Variants in FN1 observed in about 807,000 individuals in gnomAD.
FN1 encodes the protein fibronectin.
In FN1, 106 loss-of-function variants were observed where a neutral mutation model predicts 297.3. The observed-to-expected ratio is 0.36, with a 90% confidence interval of 0.30 to 0.42. FN1 has a LOEUF of 0.42. FN1 is among the 10% of genes least tolerant of loss of function. The probability of loss-of-function intolerance (pLI) is 1.00; values close to 1 mark genes in which losing one functional copy is unlikely to be tolerated. For synonymous variants in FN1, 1,149 were observed against 1,152.6 expected (o/e 1.00, Z 0.06); for missense variants, 2,690 against 3,124.9 (o/e 0.86, Z 3.32).
intron 21 of FN1, among the ~76,000 whole-genome samples, chr2:215,399,051 C>T (rs1272566405): frequency 1.3e-5 from 2 of 152,182 alleles, no homozygotes; most frequent in African/African-American, 4.8e-5. Context: ...AAAACACTTT[C>T]GCAGCCTCCA....
Position 215,435,867 on chromosome 2 carries a change from C to T in FN1, c.-65G>A. 3 of 1,491,824 alleles carry T rather than the reference C, an allele frequency of 2.0e-6. No individual in the cohort carries two copies. The highest frequency in any genetic ancestry group is 2.7e-6 in the Non-Finnish European group (3 of 1,122,820). The allele number at this position is 1,491,824 out of a possible 1,614,324, so 92.4% of individuals were successfully genotyped here. On this transcript the variant is annotated 5_prime_UTR_variant, in exon 1 of 46. Coordinates refer to ENST00000354785, the MANE Select transcript of FN1 (RefSeq NM_212482.4). ...AGTTGCCACCAAGTTTGCTTCCCTT[C>T]GCAACCTGCGGGAAAAATCCCTTCT... is the stretch of plus-strand genomic sequence containing the variant.
chr2:215,365,891 C>T (rs963801966), intron 42 of FN1: 1 of 189,380 alleles, frequency 5.3e-6, no homozygotes, highest in Non-Finnish European at 1.1e-5. Context: ...CTGTAACCTC[C>T]ATCTCCTGGG....
At chr2:215,435,032 T>TA (rs2067217440) in intron 1 of FN1, among the ~76,000 whole-genome samples, 1 of 152,214 alleles carries the variant, frequency 6.6e-6, no homozygotes, top group Non-Finnish European at 1.5e-5. Context: ...GTCACATTTT[T>TA]AAAACATGCA....
chr2:215,429,411 G>C (rs1050109684), intron 5 of FN1, among the ~76,000 whole-genome samples: 2 of 152,134 alleles, frequency 1.3e-5, no homozygotes, highest in Non-Finnish European at 2.9e-5. Context: ...TCTGTGCCAC[G>C]ATGTGAGTAT....
At position 215,367,118 on chromosome 2, in the gene FN1, C is replaced by T. The variant is rs184900578; in HGVS notation, c.7018+745G>A. 1.5e-3 allele frequency among the ~76,000 whole-genome samples: 227 copies of T among 152,226 alleles called. 1 individual carries two copies. Among genetic ancestry groups the T allele is most frequent in the African/African-American group, 5.3e-3 (220 of 41,546 alleles). ...ATAGGAGGCTTATTTATAGGCATAA[C>T]GGTCAACACCTATAAAAATGAACCA... is the stretch of plus-strand genomic sequence containing the variant. On this transcript the variant is annotated intron_variant, in intron 42 of 45. Coordinates refer to ENST00000354785, the MANE Select transcript of FN1 (RefSeq NM_212482.4).
chr2:215,376,731 T>C (rs1223241655), intron 35 of FN1, 57 bp from the exon 36 acceptor site: 8 of 1,548,204 alleles, frequency 5.2e-6, no homozygotes, highest in Non-Finnish European at 7.1e-6. Context: ...TGTAAAGTTT[T>C]GGTATTTTAA....
Position 215,379,260 on chromosome 2 carries a change from G to A in FN1, c.5492C>T (p.Ala1831Val). The A allele has an allele frequency of 6.2e-7, 1 of 1,614,102 alleles. No individual in the cohort carries two copies. Among genetic ancestry groups the A allele is most frequent in the South Asian group, 1.1e-5 (1 of 91,084 alleles). Residue 1831 changes from alanine to valine, a missense_variant, in exon 34 of 46, where the codon GCC becomes GTC. Around this residue, in one of 3 missense-constraint regions of FN1, gnomAD observed 1,743 missense variants for 1,945.2 expected, o/e 0.90. Coordinates refer to ENST00000354785, the MANE Select transcript of FN1 (RefSeq NM_212482.4). ...CTGAACATTGGGTGGTGTCCACTGG[G>A]CGCTCAGGCTTGTGGGTGTGACCTG... ...FTQVTPTSLS[A>V]QWTPPNVQLT...
Position 215,386,602 on chromosome 2 carries a change from G to T in FN1, c.4612+87C>A, listed in dbSNP as rs16853944. On this transcript the variant is annotated intron_variant, in intron 28 of 45. Transcript: ENST00000354785. Reference sequence around the variant, plus strand: ...TTTTTTTTTTTTTTTTTTGAGAGCTGATGACAGACAACAGCAAGCTACTTT... The same window carrying T: ...TTTTTTTTTTTTTTTTTTGAGAGCTTATGACAGACAACAGCAAGCTACTTT... The T allele has an allele frequency of 4.6e-3, 2,132 of 465,514 alleles. 33 individuals carry two copies. The African/African-American group carries it at 0.046, about 10-fold the overall frequency. The allele number at this position is 465,514 out of a possible 1,614,324, so 28.8% of individuals were successfully genotyped here.
Position 215,365,810 on chromosome 2 carries a change from T to A in FN1, c.7019-180A>T, listed in dbSNP as rs2372540. 64,936 of 209,788 alleles carry A rather than the reference T, an allele frequency of 0.31. 9,024 individuals are homozygous for A. Among genetic ancestry groups the A allele is most frequent in the East Asian group, 0.68 (7,019 of 10,380 alleles). 13.0% of individuals were successfully genotyped at this position (209,788 alleles called of 1,614,324 possible). On this transcript the variant is annotated intron_variant, in intron 42 of 45. Coordinates refer to ENST00000354785, the MANE Select transcript of FN1 (RefSeq NM_212482.4). ...TTATTTATTTATTTACTTTTTATTT[T>A]TTTTTTTTTTTTTGAGACAAAGTCT... is the stretch of plus-strand genomic sequence containing the variant.
In FN1 at chr2:215,406,504, A is replaced by G; in HGVS notation, c.2720T>C (p.Val907Ala). 6.2e-7 allele frequency: 1 copy of G among 1,613,854 alleles called. No homozygotes were observed. Among genetic ancestry groups the G allele is most frequent in the Non-Finnish European group, 8.5e-7 (1 of 1,179,970 alleles). ...ETTGTPRSDT[V>A]PSPRDLQFVE... The stretch of plus-strand genomic sequence containing the variant: ...AAACTGCAGGTCCCTGGGAGAGGGC[A>G]CTGTATCTGACAGACAAGAGTCAAC... The change falls in exon 19 of 46, where the codon GTG (valine) becomes GCG (alanine). Residue 907 changes from valine (V) to alanine (A), a missense_variant. Transcript: ENST00000354785.
intron 23 of FN1, 101 bp from the exon 24 acceptor site, chr2:215,394,820 C>T (rs2060118397): frequency 1.1e-6 from 1 of 902,638 alleles, no homozygotes; most frequent in African/African-American, 1.6e-5. Flanking sequence ...GAATGCAGGA[C>T]TTGGCATTTA....
chr2:215,365,451 T>A, intron 43 of FN1, 54 bp downstream of exon 43: 1 of 1,577,716 alleles, frequency 6.3e-7, no homozygotes, highest in Non-Finnish European at 8.7e-7. Flanking sequence ...TACAGCCTGA[T>A]AATGAAAGTG....
chr2:215,425,017 C>T (rs2065087651), intron 7 of FN1, 77 bp downstream of exon 7: 1 of 1,304,254 alleles, frequency 7.7e-7, no homozygotes, highest in Non-Finnish European at 1.1e-6. Context: ...TTTATTGTTT[C>T]ACATTGAAAA....
chr2:215,399,478 T>A, intron 20 of FN1, 127 bp from the exon 21 acceptor site: 1 of 697,050 alleles, frequency 1.4e-6, no homozygotes, highest in South Asian at 1.5e-5. Flanking sequence ...ATGTAACATA[T>A]TTTTTCATTG....
Position 215,361,524 on chromosome 2 carries a change from C to T in FN1, c.*31G>A, listed in dbSNP as rs2053427885. The T allele has an allele frequency of 2.1e-6, 3 of 1,459,550 alleles. 1 individual carries two copies. In the South Asian group the frequency reaches 3.4e-5, roughly 17 times the overall value. The allele number at this position is 1,459,550 out of a possible 1,614,324, so 90.4% of individuals were successfully genotyped here. On this transcript the variant is annotated 3_prime_UTR_variant, in exon 46 of 46. Transcript: ENST00000354785. ...GTTTAGATGGATCTTGGCAGAGAGA[C>T]ATGCTTGTTCCTCTGGATTGGAAAG...
At position 215,394,634 on chromosome 2, in the gene FN1, G is replaced by T. The variant is rs144652143; in HGVS notation, c.3690C>A (p.Ser1230Arg). 4 of 1,614,044 alleles carry T rather than the reference G, an allele frequency of 2.5e-6. No individual in the cohort carries two copies. The highest frequency in any genetic ancestry group is 3.4e-6 in the Non-Finnish European group (4 of 1,179,930). Residue 1230 changes from serine to arginine, a missense_variant, in exon 24 of 46, where the codon AGC becomes AGA. By Grantham distance (110) the Ser-to-Arg change is moderately radical. Around this residue, in one of 3 missense-constraint regions of FN1, gnomAD observed 1,743 missense variants for 1,945.2 expected, o/e 0.90. Transcript: ENST00000354785. ...GACTCAGGTTATCAAAAGTGCAGGA[G>T]CTCTGATCAGCATGGACCACTTCTT... is the stretch of plus-strand genomic sequence containing the variant. ...SLEEVVHADQ[S>R]SCTFDNLSPG...
intron 28 of FN1, among the ~76,000 whole-genome samples, chr2:215,385,569 A>G (rs115009893): frequency 2.3e-3 from 93 of 41,332 alleles, no homozygotes; most frequent in East Asian, 0.05. Context: ...TTCAGGAAGA[A>G]AAAAAAAAAA....
Position 215,362,057 on chromosome 2 carries a change from C to A in FN1, c.7274G>T (p.Arg2425Leu). ...GGGACTGGGTTCACCCCCAGGTCTG[C>A]GGCAGTTGTCACAGCGCCAGCCCTG... ...GQRGWRCDNC[R>L]RPGGEPSPEG... The change falls in exon 45 of 46, where the codon CGC (arginine) becomes CTC (leucine). Residue 2425 changes from arginine to leucine, a missense_variant. Transcript: ENST00000354785. 6.2e-7 allele frequency: 1 copy of A among 1,613,842 alleles called. No individual in the cohort carries two copies. Among genetic ancestry groups the A allele is most frequent in the South Asian group, 1.1e-5 (1 of 91,058 alleles).
chr2:215,408,672 A>G (rs2062130517), intron 15 of FN1, among the ~76,000 whole-genome samples: 2 of 152,066 alleles, frequency 1.3e-5, no homozygotes, highest in Non-Finnish European at 1.5e-5. Context: ...GGTTCAAGCA[A>G]TTCTTCTGCC....
Sources: gnomAD v4.1 joint callset for allele counts (sites outside exome capture counted in the v4.1 genomes callset) on GRCh38, gnomAD v4.1.1 for gene constraint, gnomAD v4.1.1 regional missense constraint, MANE v1.5 for transcripts, NCBI Gene and HGNC (gene_info 2026-07-23, HGNC 2026-07-21) for gene names.